Variants in DMD observed in about 807,000 individuals in gnomAD.
The protein encoded by DMD is dystrophin.
DMD carries 63 observed loss-of-function variants against 330.1 expected under a neutral mutation model. The ratio of observed to expected loss-of-function variants is 0.19; its 90% CI spans 0.16 to 0.24. The LOEUF (loss-of-function observed/expected upper bound fraction) is 0.24, where lower values mean the gene tolerates loss of function less well. Ranked by LOEUF, DMD falls within the 10% of genes least tolerant of loss-of-function variation. DMD has a pLI of 1.00. For synonymous variants in DMD, 1,223 were observed against 959.8 expected (o/e 1.27, Z -5.07); for missense variants, 3,344 against 2,684.1 (o/e 1.25, Z -5.43).
intron 62 of DMD, among the ~76,000 whole-genome samples, chrX:31,308,629 C>T (rs1248428354): frequency 9.0e-6 from 1 of 111,401 alleles, no homozygotes; most frequent in Non-Finnish European, 1.9e-5. Context: ...TCAGCCTGGT[C>T]TCAAACTCCT....
chrX:32,564,295 C>T (rs2051420903), intron 16 of DMD, among the ~76,000 whole-genome samples: 4 of 111,609 alleles, frequency 3.6e-5, no homozygotes, highest in Admixed American at 2.9e-4. Flanking sequence ...AAGGGATGCA[C>T]GTCAAAATAA....
intron 55 of DMD, among the ~76,000 whole-genome samples, chrX:31,531,078 T>C (rs1453659341): frequency 1.3e-5 from 1 of 78,363 alleles, no homozygotes; most frequent in African/African-American, 5.5e-5. Flanking sequence ...TCTATCATTG[T>C]TGGACATTTG....
intron 44 of DMD, among the ~76,000 whole-genome samples, chrX:32,098,169 A>T (rs928472678): frequency 1.8e-5 from 2 of 111,914 alleles, no homozygotes; most frequent in African/African-American, 6.5e-5. Context: ...TTATGTGTAT[A>T]TATGTATATA....
chrX:32,313,380 T>G (rs948878962), intron 41 of DMD, among the ~76,000 whole-genome samples: 1 of 111,378 alleles, frequency 9.0e-6, no homozygotes, highest in African/African-American at 3.3e-5. Flanking sequence ...CTCAATAAAC[T>G]AGTTATTGAT....
intron 30 of DMD, among the ~76,000 whole-genome samples, chrX:32,407,866 C>T (rs1396151250): frequency 1.9e-5 from 2 of 105,231 alleles, no homozygotes; most frequent in Admixed American, 1.0e-4. Flanking sequence ...AGCAAACTAT[C>T]GCAAGGACAA....
At chrX:33,233,020 G>C (rs928606416) in intron 1 of DMD, among the ~76,000 whole-genome samples, 1 of 111,108 alleles carries the variant, frequency 9.0e-6, no homozygotes, top group Admixed American at 9.6e-5. Flanking sequence ...TATTGTACAT[G>C]ATGGTGACTA....
intron 13 of DMD, among the ~76,000 whole-genome samples, chrX:32,579,128 G>A (rs768924034): frequency 6.3e-5 from 7 of 111,243 alleles, no homozygotes; most frequent in African/African-American, 2.0e-4. Flanking sequence ...GGTATGGCTT[G>A]GTTCTCAGTT....
chrX:33,285,944 C>CAAGA (rs1897748207), intron 1 of DMD, among the ~76,000 whole-genome samples: 1 of 111,554 alleles, frequency 9.0e-6, no homozygotes, highest in African/African-American at 3.3e-5. Context: ...CTGTTTCTTG[C>CAAGA]AAGAAAGAAA....
intron 45 of DMD, among the ~76,000 whole-genome samples, chrX:31,943,524 T>C (rs2095035404): frequency 8.9e-6 from 1 of 111,936 alleles, no homozygotes; most frequent in African/African-American, 3.2e-5. Flanking sequence ...ACATGGAAAA[T>C]AGTCAAAAGA....
intron 17 of DMD, among the ~76,000 whole-genome samples, chrX:32,538,214 C>G (rs780262236): frequency 8.9e-6 from 1 of 112,413 alleles, no homozygotes; most frequent in Non-Finnish European, 1.9e-5. Flanking sequence ...TGCACCTTTA[C>G]GTCCAGATGG....
intron 3 of DMD, among the ~76,000 whole-genome samples, chrX:32,848,934 C>G (rs965989856): frequency 9.0e-6 from 1 of 110,498 alleles, no homozygotes; most frequent in African/African-American, 3.3e-5. Flanking sequence ...AGGATTTTTG[C>G]TAACTGACTT....
At chrX:32,123,791 T>C (rs1249399276) in intron 44 of DMD, among the ~76,000 whole-genome samples, 1 of 112,224 alleles carries the variant, frequency 8.9e-6, no homozygotes, top group Non-Finnish European at 1.9e-5. Flanking sequence ...TAAACATTTG[T>C]TGCGTTAAAA....
chrX:32,231,672 T>C lies in DMD; in HGVS notation c.6291-14609A>G, dbSNP rs922445711. On this transcript the variant is annotated intron_variant, in intron 43 of 78. Transcript: ENST00000357033. ...ACTATTCTACTTTCTCTATTTTCTC[T>C]CACTGGCACCATTACCTTCCACAAG... is the stretch of plus-strand genomic sequence containing the variant. Among the ~76,000 whole-genome samples, 3 of 111,846 alleles carry C rather than the reference T, an allele frequency of 2.7e-5. No individual in the cohort carries two copies. The Admixed American group carries it at 2.9e-4, about 11-fold the overall frequency.
chrX:32,141,686 C>T (rs1433029701), intron 44 of DMD, among the ~76,000 whole-genome samples: 1 of 87,444 alleles, frequency 1.1e-5, no homozygotes, highest in African/African-American at 4.4e-5. Context: ...GCAACACACA[C>T]ACACACACAC....
intron 50 of DMD, among the ~76,000 whole-genome samples, chrX:31,815,212 G>A (rs757022515): frequency 8.9e-6 from 1 of 112,362 alleles, no homozygotes; most frequent in East Asian, 2.8e-4. Flanking sequence ...CACTATGGGA[G>A]GCTGAGGCAG....
intron 1 of DMD, among the ~76,000 whole-genome samples, chrX:33,081,523 C>G (rs756324465): frequency 8.9e-6 from 1 of 112,267 alleles, no homozygotes; most frequent in African/African-American, 3.2e-5. Context: ...ATCCGCCCTC[C>G]TCGGCCTCCC....
chrX:32,777,811 T>C (rs1339752404), intron 7 of DMD, among the ~76,000 whole-genome samples: 1 of 112,618 alleles, frequency 8.9e-6, no homozygotes, highest in Non-Finnish European at 1.9e-5. Context: ...ACAGTTACTG[T>C]GTAAAAATTT....
At chrX:32,654,320 G>A (rs368012537) in intron 9 of DMD, among the ~76,000 whole-genome samples, 62 of 111,553 alleles carry the variant, frequency 5.6e-4, no homozygotes, top group Admixed American at 1.2e-3. Flanking sequence ...TTTAAGATAC[G>A]TCCCATCAAT....
rs112463388 is a variant in DMD, at chrX:32,595,883, G to C, written c.1483-7C>G. 3.2e-4 allele frequency: 384 copies of C among 1,182,080 alleles called. No homozygotes were observed. The African/African-American group carries it at 6.0e-3, about 18-fold the overall frequency. ...CTAGATCTTCTTGAAGCACCTGAAA[G>C]ATAAAATGTTTTAAAGGAAATTAAA... On this transcript the variant is annotated splice_polypyrimidine_tract_variant and splice_region_variant and intron_variant, in intron 12 of 78. Coordinates refer to ENST00000357033, the MANE Select transcript of DMD (RefSeq NM_004006.3).
Sources: gnomAD v4.1 joint callset for allele counts (sites outside exome capture counted in the v4.1 genomes callset) on GRCh38, gnomAD v4.1.1 for gene constraint, MANE v1.5 for transcripts, NCBI Gene and HGNC (gene_info 2026-07-23, HGNC 2026-07-21) for gene names.